The following RNF216 variants were observed in gnomAD, a reference collection of about 807,000 sequenced individuals.
RNF216 encodes E3 ubiquitin-protein ligase RNF216.
Under a neutral mutation model 110.8 loss-of-function variants are expected in RNF216, and 72 were observed. The ratio of observed to expected loss-of-function variants is 0.65; its 90% confidence interval spans 0.54 to 0.79. The LOEUF is 0.79. Ranked by LOEUF, RNF216 falls within the 30% of genes least tolerant of loss-of-function variation. The probability of loss-of-function intolerance (pLI) is 0.00; values close to 1 mark genes in which losing one functional copy is unlikely to be tolerated. For missense variants in RNF216, 1,342 were observed against 1,141.2 expected (o/e 1.18, Z -2.54); for synonymous variants, 495 against 407.5 (o/e 1.21, Z -2.59).
intron 13 of RNF216, among the ~76,000 whole-genome samples, chr7:5,661,628 T>C (rs1004323434): frequency 6.6e-6 from 1 of 151,926 alleles, no homozygotes; most frequent in Non-Finnish European, 1.5e-5. Flanking sequence ...CATGGTGACA[T>C]CTCGTCTCTA....
intron 1 of RNF216, among the ~76,000 whole-genome samples, chr7:5,765,429 A>G (rs1202146134): frequency 6.6e-6 from 1 of 152,096 alleles, no homozygotes; most frequent in Non-Finnish European, 1.5e-5. Flanking sequence ...GTGCCACTGC[A>G]CTCCAGCCTA....
chr7:5,738,279 TGC>T (rs1562446853), intron 5 of RNF216, among the ~76,000 whole-genome samples: 1 of 152,018 alleles, frequency 6.6e-6, no homozygotes, highest in Non-Finnish European at 1.5e-5. Flanking sequence ...CAGGCTGGAG[TGC>T]AGTAGCGTAA....
At chr7:5,689,935 A>C (rs1223242348) in intron 13 of RNF216, among the ~76,000 whole-genome samples, 1 of 143,628 alleles carries the variant, frequency 7.0e-6, no homozygotes, top group African/African-American at 2.5e-5. Context: ...TGTCTCAAAC[A>C]AAAAAAAAAA....
rs551351181 is a variant in RNF216, at chr7:5,624,006, G to C, written c.2452+50C>G. The C allele has an allele frequency of 2.1e-5, 32 of 1,524,128 alleles. No homozygotes were observed. Among genetic ancestry groups the C allele is most frequent in the Non-Finnish European group, 2.9e-5 (32 of 1,104,840 alleles). 94.4% of individuals were successfully genotyped at this position (1,524,128 alleles called of 1,614,324 possible). On this transcript the variant is annotated intron_variant, in intron 16 of 16. Coordinates refer to ENST00000389902, the MANE Select transcript of RNF216 (RefSeq NM_207111.4). This position sits in a 1 kb window ranked among gnomAD's most constrained non-coding sequence, Gnocchi z 4.4. ...CACTCAGGGAGGCCAGCAGAAGCCT[G>C]CATGGCCTGGCTGCTGCTCTGTCCT...
intron 3 of RNF216, among the ~76,000 whole-genome samples, chr7:5,748,236 CA>C (rs1462008153): frequency 6.6e-6 from 1 of 152,202 alleles, no homozygotes; most frequent in Admixed American, 6.5e-5. Flanking sequence ...AGGCTGCACA[CA>C]AACTGTCTTT....
intron 13 of RNF216, among the ~76,000 whole-genome samples, chr7:5,698,713 G>A (rs1049185139): frequency 6.6e-6 from 1 of 152,150 alleles, no homozygotes; most frequent in East Asian, 1.9e-4. Context: ...TTCATAGGTA[G>A]TTTAAGTCTG....
At chr7:5,712,018 A>G (rs1792732585) in intron 12 of RNF216, 179 bp from the exon 13 acceptor site, 2 of 594,604 alleles carry the variant, frequency 3.4e-6, no homozygotes, top group Non-Finnish European at 6.0e-6. Flanking sequence ...GGCTCTTATC[A>G]GGAAACATAA....
intron 1 of RNF216, among the ~76,000 whole-genome samples, chr7:5,764,545 G>C (rs917392981): frequency 5.3e-5 from 8 of 152,020 alleles, no homozygotes; most frequent in Non-Finnish European, 1.0e-4. Flanking sequence ...CTATTCAGGA[G>C]GTTGAGGCGA....
At chr7:5,671,805 C>CAAAAAAAAAAAAAAAAAAAAAAAAAAAAA (rs11319565) in intron 13 of RNF216, among the ~76,000 whole-genome samples, 2 of 54,242 alleles carry the variant, frequency 3.7e-5, no homozygotes, top group Non-Finnish European at 6.6e-5. Flanking sequence ...AACTCCGTCT[C>CAAAAAAAAAAAAAAAAAAAAAAAAAAAAA]AAAAAAAAAA....
intron 13 of RNF216, chr7:5,662,298 T>C (rs1208770292): frequency 1.3e-5 from 2 of 152,214 alleles, no homozygotes; most frequent in Non-Finnish European, 2.9e-5. Flanking sequence ...GGCAGTTGCA[T>C]GTCTGGCGGT....
intron 13 of RNF216, among the ~76,000 whole-genome samples, chr7:5,679,031 G>A (rs1206536066): frequency 6.6e-6 from 1 of 152,200 alleles, no homozygotes; most frequent in Non-Finnish European, 1.5e-5. Flanking sequence ...AAGTTATTGA[G>A]TAAAGTTGTA....
intron 13 of RNF216, among the ~76,000 whole-genome samples, chr7:5,661,673 C>T (rs1406254763): frequency 1.3e-5 from 2 of 152,022 alleles, no homozygotes; most frequent in East Asian, 3.9e-4. Flanking sequence ...CGTGGTGGTG[C>T]AAGTCTATAA....
chr7:5,722,843 G>A (rs1793519820), intron 8 of RNF216, among the ~76,000 whole-genome samples: 1 of 148,822 alleles, frequency 6.7e-6, no homozygotes, highest in African/African-American at 2.6e-5. Context: ...CCAACATGGT[G>A]AAACCCCCCA....
At chr7:5,671,875 G>A (rs1234526823) in intron 13 of RNF216, among the ~76,000 whole-genome samples, 10 of 150,856 alleles carry the variant, frequency 6.6e-5, no homozygotes, top group African/African-American at 2.2e-4. Context: ...GACCATGTGA[G>A]GACACAGCAC....
rs1795476248 is a variant in RNF216 at position 5,754,052 on chromosome 7, A to G, written c.68-1073T>C. Among the ~76,000 whole-genome samples, 4 of 151,606 alleles carry G rather than the reference A, an allele frequency of 2.6e-5. No individual in the cohort carries two copies. In the South Asian group the frequency reaches 8.3e-4, roughly 31 times the overall value. ...AAGAAGAGAAGAAGAAAGAAACGAA[A>G]TGACGCACCTCATCACTGCAATTTT... is the stretch of plus-strand genomic sequence containing the variant. On this transcript the variant is annotated intron_variant, in intron 2 of 16. Transcript: ENST00000389902.
chr7:5,675,961 A>T (rs565184369), intron 13 of RNF216, among the ~76,000 whole-genome samples: 1 of 151,510 alleles, frequency 6.6e-6, no homozygotes, highest in South Asian at 2.1e-4. Flanking sequence ...CGCCCACCTC[A>T]GCCTTCCAAA....
At chr7:5,655,627 AG>A (rs775961689) in intron 13 of RNF216, among the ~76,000 whole-genome samples, 8 of 151,920 alleles carry the variant, frequency 5.3e-5, no homozygotes, top group Non-Finnish European at 1.2e-4. Flanking sequence ...GGACAAAAAA[AG>A]ACAAGACCAG....
At chr7:5,753,052 CAG>C (rs1440162657) in intron 2 of RNF216, 73 bp from the exon 3 acceptor site, 8 of 1,514,634 alleles carry the variant, frequency 5.3e-6, no homozygotes, top group African/African-American at 4.2e-5. Context: ...TTTTTCCTGA[CAG>C]GGGTACAGCC....
chr7:5,661,010 C>T (rs1237837071), intron 13 of RNF216, among the ~76,000 whole-genome samples: 6 of 139,704 alleles, frequency 4.3e-5, no homozygotes, highest in Admixed American at 1.5e-4. Context: ...GAGTAAATTC[C>T]GACTCACTGC....
Sources: allele counts gnomAD v4.1 joint callset (sites outside exome capture counted in the v4.1 genomes callset), GRCh38; gene constraint gnomAD v4.1.1; non-coding constraint Gnocchi (gnomAD v3.1); transcripts MANE v1.5; gene names NCBI Gene and HGNC (gene_info 2026-07-23, HGNC 2026-07-21).